Variants in PLPPR1 observed in about 807,000 individuals in gnomAD.
PLPPR1 encodes the protein phospholipid phosphatase related 1.
In PLPPR1, 10 loss-of-function variants were observed where a neutral mutation model predicts 33.1. The ratio of observed to expected loss-of-function variants is 0.30; its 90% CI spans 0.19 to 0.51. The LOEUF is 0.51. Among genes scored for constraint, PLPPR1 ranks in the 20% least tolerant of loss-of-function variants. The pLI is 0.97. For synonymous variants in PLPPR1, 151 were observed against 151.0 expected (o/e 1.00, Z 0.00); for missense variants, 304 against 408.1 (o/e 0.74, Z 2.20).
chr9:101,141,398 G>A (rs1057514247), intron 1 of PLPPR1, among the ~76,000 whole-genome samples: 13 of 151,972 alleles, frequency 8.6e-5, no homozygotes, highest in Non-Finnish European at 1.5e-4. Context: ...TTTAATTCTG[G>A]GCACGATCTA....
At chr9:101,272,698 C>G (rs778102093) in intron 3 of PLPPR1, among the ~76,000 whole-genome samples, 4 of 152,144 alleles carry the variant, frequency 2.6e-5, no homozygotes, top group Admixed American at 2.6e-4. Context: ...TTTCTAAATT[C>G]ATCACTAACC....
intron 2 of PLPPR1, among the ~76,000 whole-genome samples, chr9:101,209,806 C>G (rs777802776): frequency 7.9e-5 from 12 of 152,116 alleles, no homozygotes; most frequent in Non-Finnish European, 1.5e-4. Context: ...AATTTTTTAG[C>G]GAGAAGTTTT....
At chr9:101,284,750 T>A (rs1260205703) in intron 3 of PLPPR1, among the ~76,000 whole-genome samples, 1 of 152,202 alleles carries the variant, frequency 6.6e-6, no homozygotes, top group African/African-American at 2.4e-5. Flanking sequence ...TGTCATCATC[T>A]TTATCCATCT....
chr9:101,317,026 G>A (rs957260064), intron 6 of PLPPR1, among the ~76,000 whole-genome samples: 10 of 152,124 alleles, frequency 6.6e-5, no homozygotes, highest in African/African-American at 7.2e-5. Flanking sequence ...CCTCAGGGTC[G>A]TGCCAGACAC....
At chr9:101,083,150 C>T (rs1413796710) in intron 1 of PLPPR1, among the ~76,000 whole-genome samples, 1 of 152,090 alleles carries the variant, frequency 6.6e-6, no homozygotes, top group African/African-American at 2.4e-5. Flanking sequence ...CACTAGTTCT[C>T]TCTAGAATTT....
At chr9:101,319,237 C>G (rs961157109) in intron 7 of PLPPR1, among the ~76,000 whole-genome samples, 2 of 152,186 alleles carry the variant, frequency 1.3e-5, no homozygotes, top group African/African-American at 4.8e-5. Context: ...AGTGCAGTGG[C>G]ACAATCTCGG....
chr9:101,109,217 G>A (rs1004070795), intron 1 of PLPPR1, among the ~76,000 whole-genome samples: 9 of 142,662 alleles, frequency 6.3e-5, no homozygotes, highest in Non-Finnish European at 1.2e-4. Context: ...GTCACGATCC[G>A]CCGGCCTCGG....
intron 1 of PLPPR1, among the ~76,000 whole-genome samples, chr9:101,099,734 G>A (rs999095332): frequency 6.6e-6 from 1 of 152,134 alleles, no homozygotes; most frequent in South Asian, 2.1e-4. Flanking sequence ...TTATGTAAGG[G>A]ATTTGAGTAT....
At chr9:101,240,826 T>G (rs1388552711) in intron 2 of PLPPR1, among the ~76,000 whole-genome samples, 1 of 152,084 alleles carries the variant, frequency 6.6e-6, no homozygotes, top group African/African-American at 2.4e-5. Context: ...TTCCATTGAG[T>G]GCCCTGCCAC....
At chr9:101,211,713 A>G (rs1826693927) in intron 2 of PLPPR1, among the ~76,000 whole-genome samples, 1 of 152,236 alleles carries the variant, frequency 6.6e-6, no homozygotes, top group African/African-American at 2.4e-5. Context: ...ATGGGCTCAT[A>G]TGATGAAAAG....
intron 1 of PLPPR1, among the ~76,000 whole-genome samples, chr9:101,059,204 C>T (rs1258555939): frequency 6.6e-5 from 10 of 151,916 alleles, no homozygotes; most frequent in Admixed American, 6.6e-4. Flanking sequence ...TTCTCTTTTC[C>T]ACTGCTTTCA....
chr9:101,242,609 C>G (rs1260549264), intron 2 of PLPPR1, among the ~76,000 whole-genome samples: 1 of 151,902 alleles, frequency 6.6e-6, no homozygotes, highest in East Asian at 1.9e-4. Context: ...AGCATCATAC[C>G]AAGTATTCTA....
At chr9:101,269,799 G>A (rs535311871) in intron 2 of PLPPR1, 81 bp from the exon 3 acceptor site, 52 of 1,336,178 alleles carry the variant, frequency 3.9e-5, no homozygotes, top group Admixed American at 1.3e-4. Flanking sequence ...CTGCTGGGGT[G>A]ATGGAGGGAG....
At chr9:101,057,512 C>T (rs1190894340) in intron 1 of PLPPR1, among the ~76,000 whole-genome samples, 1 of 151,454 alleles carries the variant, frequency 6.6e-6, no homozygotes, top group Non-Finnish European at 1.5e-5. Context: ...TGGAAATGCA[C>T]AATAAACAAG....
intron 2 of PLPPR1, among the ~76,000 whole-genome samples, chr9:101,242,963 T>A (rs1827507054): frequency 6.6e-6 from 1 of 152,030 alleles, no homozygotes; most frequent in Non-Finnish European, 1.5e-5. Context: ...TTTCTAATGC[T>A]TCCTAGAAAA....
At chr9:101,308,239 A>G (rs1828890156) in intron 4 of PLPPR1, among the ~76,000 whole-genome samples, 1 of 152,232 alleles carries the variant, frequency 6.6e-6, no homozygotes, top group South Asian at 2.1e-4. Flanking sequence ...AAGGGTCCTT[A>G]TAAGAGACAG....
intron 2 of PLPPR1, among the ~76,000 whole-genome samples, chr9:101,258,525 T>C (rs1827841650): frequency 6.6e-6 from 1 of 152,188 alleles, no homozygotes; most frequent in East Asian, 1.9e-4. Context: ...ACGAAAGATA[T>C]AGCGGAACTA....
At chr9:101,297,602 GC>G (rs1471144528) in intron 4 of PLPPR1, among the ~76,000 whole-genome samples, 1 of 152,094 alleles carries the variant, frequency 6.6e-6, no homozygotes, top group African/African-American at 2.4e-5. Flanking sequence ...CAGGCTTTAA[GC>G]ATAAAACATC....
intron 1 of PLPPR1, among the ~76,000 whole-genome samples, chr9:101,048,608 G>A (rs1830181409): frequency 6.6e-6 from 1 of 152,168 alleles, no homozygotes; most frequent in South Asian, 2.1e-4. Context: ...TTTACTTTAG[G>A]TAAAGTATAA....
Sources: allele counts gnomAD v4.1 joint callset (sites outside exome capture counted in the v4.1 genomes callset), GRCh38; gene constraint gnomAD v4.1.1; transcripts MANE v1.5; gene names NCBI Gene and HGNC (gene_info 2026-07-23, HGNC 2026-07-21).